PLA2G4D: variants seen among roughly 807,000 people sequenced by gnomAD.
The protein encoded by PLA2G4D is cytosolic phospholipase A2 delta.
A neutral mutation model predicts 94.4 loss-of-function variants in PLA2G4D; 80 were observed. The observed-to-expected ratio is 0.85, with a 90% CI of 0.71 to 1.02. The LOEUF is 1.02. Ranked by LOEUF, PLA2G4D falls within the 50% of genes least tolerant of loss-of-function variation. The pLI, the probability that PLA2G4D is intolerant of heterozygous loss-of-function variation, is 0.00. For synonymous variants in PLA2G4D, 438 were observed against 440.9 expected, an observed-to-expected ratio of 0.99 and a Z score of 0.08; for missense variants, 1,050 against 1,034.7, an observed-to-expected ratio of 1.01 and a Z score of -0.20.
In PLA2G4D at chr15:42,081,616, T is replaced by C. The variant is rs746318560; in HGVS notation, c.822-2A>G. ...AGGTGCACGGCCAGCTCCTCAGGGC[T>C]GTGGCAATGGAGGATCCAGGGGTCA... is the stretch of plus-strand genomic sequence containing the variant. On this transcript the variant is annotated splice_acceptor_variant, in intron 10 of 19. Coordinates refer to ENST00000290472, the MANE Select transcript of PLA2G4D (RefSeq NM_178034.4). LOFTEE classifies it high-confidence loss of function. 7 of 1,613,926 alleles carry C rather than the reference T, an allele frequency of 4.3e-6. No homozygotes were observed. Among genetic ancestry groups the C allele is most frequent in the Non-Finnish European group, 5.9e-6 (7 of 1,179,820 alleles).
intron 12 of PLA2G4D, among the ~76,000 whole-genome samples, chr15:42,080,362 C>T (rs1890014145): frequency 6.6e-6 from 1 of 152,178 alleles, no homozygotes; most frequent in Non-Finnish European, 1.5e-5. Context: ...TTCAATAAGA[C>T]TCAAAGGAAT....
intron 1 of PLA2G4D, among the ~76,000 whole-genome samples, chr15:42,090,366 A>G (rs781328087): frequency 1.3e-5 from 2 of 152,254 alleles, no homozygotes; most frequent in Non-Finnish European, 2.9e-5. Flanking sequence ...GGATGAAATC[A>G]CTTTTGTCAG....
intron 8 of PLA2G4D, among the ~76,000 whole-genome samples, chr15:42,082,627 A>G (rs1476290444): frequency 6.6e-6 from 1 of 152,252 alleles, no homozygotes; most frequent in African/African-American, 2.4e-5. Flanking sequence ...AACTGATGTT[A>G]GTAAGTGTTG....
At chr15:42,091,655 G>T (rs1420506316) in intron 1 of PLA2G4D, among the ~76,000 whole-genome samples, 1 of 152,240 alleles carries the variant, frequency 6.6e-6, no homozygotes, top group South Asian at 2.1e-4. Flanking sequence ...CGTTAGGCTC[G>T]CCCGCAGTTA....
At chr15:42,087,814 CA>C in intron 1 of PLA2G4D, 114 bp from the exon 2 acceptor site, 1 of 1,112,314 alleles carries the variant, frequency 9.0e-7, no homozygotes, top group Non-Finnish European at 1.3e-6. Context: ...GTGGTGCTGA[CA>C]CCCCTGCCAG....
intron 1 of PLA2G4D, among the ~76,000 whole-genome samples, chr15:42,091,648 T>TAGTC (rs578242933): frequency 0.015 from 2,241 of 152,192 alleles, 76 homozygotes; most frequent in African/African-American, 0.051. Context: ...GGCCTGACGT[T>TAGTC]AGGCTCGCCC....
intron 1 of PLA2G4D, among the ~76,000 whole-genome samples, chr15:42,093,643 C>T (rs141974803): frequency 4.6e-5 from 7 of 152,262 alleles, no homozygotes; most frequent in African/African-American, 1.2e-4. Context: ...TAGTGTCTGC[C>T]CTGCCCCAGG....
Position 42,094,521 on chromosome 15 carries a change from G to C in PLA2G4D, c.-62C>G. On this transcript the variant is annotated 5_prime_UTR_variant, in exon 1 of 20. Transcript: ENST00000290472. ...GCCAAGATGCTGGCTCTCTGGCTGA[G>C]TGGCAGCGACGGTCCCAGTGGGATA... 3 of 1,601,724 alleles carry C rather than the reference G, an allele frequency of 1.9e-6. No individual in the cohort carries two copies. Among genetic ancestry groups the C allele is most frequent in the Non-Finnish European group, 2.6e-6 (3 of 1,169,744 alleles).
At chr15:42,088,064 G>C (rs893700454) in intron 1 of PLA2G4D, among the ~76,000 whole-genome samples, 4 of 152,204 alleles carry the variant, frequency 2.6e-5, no homozygotes. Flanking sequence ...CTCCCAGGGA[G>C]GGCAGCCCTT....
At position 42,081,584 on chromosome 15, in the gene PLA2G4D, G is replaced by A. The variant is rs946090227; in HGVS notation, c.852C>T (p.Phe284=). 2 of 1,614,070 alleles carry A rather than the reference G, an allele frequency of 1.2e-6. No homozygotes were observed. The highest frequency in any genetic ancestry group is 1.3e-5 in the African/African-American group (1 of 74,938). The change falls in exon 11 of 20, where the codon TTC becomes TTT. Residue 284 remains phenylalanine, a synonymous_variant. Coordinates refer to ENST00000290472, the MANE Select transcript of PLA2G4D (RefSeq NM_178034.4). ...CPEELAVHLG[F]NLCAEEQAFL... ...AGGCCTGCTCCTCTGCACAGAGATTGAAGCCCAGGTGCACGGCCAGCTCCT... is the reference window on the plus strand; with the variant it reads ...AGGCCTGCTCCTCTGCACAGAGATTAAAGCCCAGGTGCACGGCCAGCTCCT...
chr15:42,079,678 C>A lies in PLA2G4D; in HGVS notation c.1176G>T (p.Leu392=). ...EGPIRYAREH[L]AKSKLEVFSP... is the part of the protein sequence containing the mutation. ...AAAAGACCTCCAGCTTGCTCTTGGC[C>A]AGGTGCTCCCGGGCGTATCTGATAG... The change falls in exon 13 of 20, where the codon CTG becomes CTT. Residue 392 remains leucine, a synonymous_variant. Transcript: ENST00000290472. 1 of 1,613,032 alleles carries A rather than the reference C, an allele frequency of 6.2e-7. No individual in the cohort carries two copies. Among genetic ancestry groups the A allele is most frequent in the Non-Finnish European group, 8.5e-7 (1 of 1,179,568 alleles).
chr15:42,082,541 G>C (rs1001921923), intron 8 of PLA2G4D, 152 bp from the exon 9 acceptor site: 1 of 488,840 alleles, frequency 2.0e-6, no homozygotes, highest in African/African-American at 2.0e-5. Flanking sequence ...AAAATTATAA[G>C]AGCTAATATT....
rs566914824 is a variant in PLA2G4D, at chr15:42,075,377, C to T, written c.1318-2985G>A. 7.9e-5 allele frequency among the ~76,000 whole-genome samples: 12 copies of T among 152,322 alleles called. No homozygotes were observed. In the South Asian group the frequency reaches 2.3e-3, roughly 29 times the overall value. On this transcript the variant is annotated intron_variant, in intron 13 of 19. Transcript: ENST00000290472. ...AACAGCTTCTCCCATTCTGTAGTAA[C>T]TAATTGCTGCCACTCAGCAGGAAAG... is the stretch of plus-strand genomic sequence containing the variant.
Position 42,071,920 on chromosome 15 carries a change from G to A in PLA2G4D, c.1436-9C>T, listed in dbSNP as rs200971899. On this transcript the variant is annotated splice_polypyrimidine_tract_variant and intron_variant, in intron 14 of 19. Coordinates refer to ENST00000290472, the MANE Select transcript of PLA2G4D (RefSeq NM_178034.4). ...GGAGAACTCAACCCACTCTAATGGG[G>A]TGGGAAGGAGAGGCAGGAGTGTGAG... 4 of 1,613,612 alleles carry A rather than the reference G, an allele frequency of 2.5e-6. No individual in the cohort carries two copies. The African/African-American group carries it at 4.0e-5, about 16-fold the overall frequency.
rs141287940 is a variant in PLA2G4D, at chr15:42,071,868, G to A, written c.1479C>T (p.Tyr493=). ...AGAGCTCAGGAGGGACGAAGGCCCC[G>A]TACTTCAGGAAACCGACCTCATAGG... The part of the protein sequence containing the change: ...FSPYEVGFLK[Y]GAFVPPELFG... Residue 493 remains tyrosine, a synonymous_variant, in exon 15 of 20, where the codon TAC becomes TAT. Transcript: ENST00000290472. The A allele has an allele frequency of 2.8e-4, 446 of 1,614,170 alleles. 3 individuals are homozygous for A. The African/African-American group carries it at 5.1e-3, about 19-fold the overall frequency.
intron 19 of PLA2G4D, among the ~76,000 whole-genome samples, chr15:42,069,167 C>T (rs1000632789): frequency 5.9e-5 from 9 of 152,284 alleles, no homozygotes; most frequent in Non-Finnish European, 1.0e-4. Context: ...TGGCGTGACA[C>T]CCCTTAGGCT....
rs1379582823 is a variant in PLA2G4D, at chr15:42,094,461, C to T, written c.-2G>A. On this transcript the variant is annotated 5_prime_UTR_variant, in exon 1 of 20. Coordinates refer to ENST00000290472, the MANE Select transcript of PLA2G4D (RefSeq NM_178034.4). ...TCCCCCAGGTGACAGGCTCTCCATG[C>T]TAGCCCTTCCAGCTTCACTCCAGGC... The T allele has an allele frequency of 1.9e-6, 3 of 1,613,982 alleles. No homozygotes were observed. In the African/African-American group the frequency reaches 4.0e-5, roughly 22 times the overall value.
rs1390520866 is a variant in PLA2G4D at position 42,079,665 on chromosome 15, G to A, written c.1189C>T (p.Leu397=). The A allele has an allele frequency of 3.1e-6, 5 of 1,613,116 alleles. No individual in the cohort carries two copies. The South Asian group carries it at 5.5e-5, about 18-fold the overall frequency. ...AGGCGCTCTGGGGAAAAGACCTCCAGCTTGCTCTTGGCCAGGTGCTCCCGG... is the reference window on the plus strand; with the variant it reads ...AGGCGCTCTGGGGAAAAGACCTCCAACTTGCTCTTGGCCAGGTGCTCCCGG... The part of the protein sequence containing the change: ...YAREHLAKSK[L]EVFSPERLAS... Residue 397 remains leucine (L), a synonymous_variant, in exon 13 of 20, where the codon CTG becomes TTG. Coordinates refer to ENST00000290472, the MANE Select transcript of PLA2G4D (RefSeq NM_178034.4).
chr15:42,075,331 C>T (rs1889899164), intron 13 of PLA2G4D, among the ~76,000 whole-genome samples: 1 of 152,202 alleles, frequency 6.6e-6, no homozygotes, highest in Non-Finnish European at 1.5e-5. Flanking sequence ...TTTTCTAGCA[C>T]CTTGTAAAGT....
Sources: allele counts gnomAD v4.1 joint callset (sites outside exome capture counted in the v4.1 genomes callset), GRCh38; gene constraint gnomAD v4.1.1; transcripts MANE v1.5; gene names NCBI Gene and HGNC (gene_info 2026-07-23, HGNC 2026-07-21).